Variants in PPARGC1A observed in about 807,000 individuals in gnomAD.
PPARGC1A encodes PPARG coactivator 1 alpha.
Under a neutral mutation model 88.7 loss-of-function variants are expected in PPARGC1A, and 25 were observed. The ratio of observed to expected loss-of-function variants is 0.28; its 90% CI spans 0.21 to 0.39. The LOEUF (loss-of-function observed/expected upper bound fraction) is 0.39. Ranked by LOEUF, PPARGC1A falls within the 10% of genes least tolerant of loss-of-function variation. PPARGC1A has a pLI of 1.00. For missense variants in PPARGC1A, 880 were observed against 968.7 expected, an observed-to-expected ratio of 0.91 and a Z score of 1.22; for synonymous variants, 363 against 355.6, an observed-to-expected ratio of 1.02 and a Z score of -0.24.
At chr4:23,812,903 T>TC in intron 9 of PPARGC1A, 36 bp from the exon 10 acceptor site, 1 of 1,613,840 alleles carries the variant, frequency 6.2e-7, no homozygotes, top group Admixed American at 1.7e-5. Context: ...GTCAACCACC[T>TC]CAATTTTCAT....
the PPARGC1A span, among the ~76,000 whole-genome samples, chr4:24,065,182 G>T: frequency 6.6e-6 from 1 of 152,088 alleles, no homozygotes; most frequent in Non-Finnish European, 1.5e-5. Flanking sequence ...ACCCAATCGC[G>T]TAGATCAGTC....
intron 2 of PPARGC1A, among the ~76,000 whole-genome samples, chr4:23,870,167 C>T (rs1466341902): frequency 1.3e-5 from 2 of 152,190 alleles, no homozygotes; most frequent in Admixed American, 1.3e-4. Context: ...TCACCTATTT[C>T]CTCACATGAT....
the PPARGC1A span, among the ~76,000 whole-genome samples, chr4:24,241,236 G>A: frequency 9.9e-5 from 15 of 151,742 alleles, no homozygotes; most frequent in Non-Finnish European, 2.2e-4. Flanking sequence ...TTAGTAAAAA[G>A]CAAAACAAAC....
At chr4:24,160,690 C>T in the PPARGC1A span, among the ~76,000 whole-genome samples, 3 of 152,194 alleles carry the variant, frequency 2.0e-5, no homozygotes, top group African/African-American at 7.2e-5. Flanking sequence ...ATTGTCCCTT[C>T]CCCTTGTAGA....
the PPARGC1A span, among the ~76,000 whole-genome samples, chr4:24,187,352 G>A: frequency 1.3e-5 from 2 of 152,134 alleles, no homozygotes; most frequent in East Asian, 3.9e-4. Context: ...AGGTGCTGAG[G>A]AATTTGGTAA....
At chr4:24,374,528 A>T in the PPARGC1A span, among the ~76,000 whole-genome samples, 2 of 151,730 alleles carry the variant, frequency 1.3e-5, no homozygotes, top group Admixed American at 1.3e-4. Context: ...TATGTAACAA[A>T]CCTGCACGTG....
chr4:24,440,049 C>CA, the PPARGC1A span, among the ~76,000 whole-genome samples: 9 of 152,168 alleles, frequency 5.9e-5, no homozygotes, highest in Non-Finnish European at 8.8e-5. Flanking sequence ...ATATTAAGCA[C>CA]AAAAAGAGGT....
At chr4:24,044,724 C>T in the PPARGC1A span, among the ~76,000 whole-genome samples, 1 of 152,144 alleles carries the variant, frequency 6.6e-6, no homozygotes, top group East Asian at 1.9e-4. Context: ...AGAGTTCCAC[C>T]AGAGCACAGG....
At chr4:24,237,969 T>C in the PPARGC1A span, among the ~76,000 whole-genome samples, 1 of 152,186 alleles carries the variant, frequency 6.6e-6, no homozygotes, top group Non-Finnish European at 1.5e-5. Context: ...ATCCTCAAGA[T>C]GTCATGAGAT....
At chr4:24,192,908 A>T in the PPARGC1A span, among the ~76,000 whole-genome samples, 2 of 152,260 alleles carry the variant, frequency 1.3e-5, no homozygotes, top group East Asian at 3.8e-4. Context: ...AACATTAATT[A>T]TAAGAAAAAG....
At chr4:24,271,026 AC>A in the PPARGC1A span, among the ~76,000 whole-genome samples, 1 of 152,244 alleles carries the variant, frequency 6.6e-6, no homozygotes, top group African/African-American at 2.4e-5. Flanking sequence ...ATTATACATA[AC>A]CAAAAACTAA....
the PPARGC1A span, among the ~76,000 whole-genome samples, chr4:24,362,416 T>C: frequency 6.6e-6 from 1 of 150,902 alleles, no homozygotes; most frequent in African/African-American, 2.5e-5. Flanking sequence ...ATCAGAGATC[T>C]ACACTTAGGA....
the PPARGC1A span, among the ~76,000 whole-genome samples, chr4:23,971,680 G>T: frequency 6.6e-5 from 10 of 152,190 alleles, no homozygotes; most frequent in Non-Finnish European, 1.0e-4. Flanking sequence ...ATTAGGTGGA[G>T]CCCTCCCAGA....
the PPARGC1A span, among the ~76,000 whole-genome samples, chr4:24,416,955 A>G: frequency 6.6e-5 from 10 of 150,480 alleles, no homozygotes; most frequent in Non-Finnish European, 7.4e-5. Context: ...CGCTTAAACC[A>G]GGAGGCGGAG....
the PPARGC1A span, among the ~76,000 whole-genome samples, chr4:23,937,535 T>C: frequency 6.6e-6 from 1 of 151,818 alleles, no homozygotes; most frequent in African/African-American, 2.4e-5. Flanking sequence ...AAAAATAAAA[T>C]AAAATAAAAT....
the PPARGC1A span, among the ~76,000 whole-genome samples, chr4:23,997,972 T>C: frequency 6.6e-6 from 1 of 152,212 alleles, no homozygotes; most frequent in African/African-American, 2.4e-5. Flanking sequence ...ATGATATTCT[T>C]CGGCCATAAT....
chr4:24,064,192 AGGAATTCAAT>A, the PPARGC1A span, among the ~76,000 whole-genome samples: 1 of 152,060 alleles, frequency 6.6e-6, no homozygotes, highest in Non-Finnish European at 1.5e-5. Context: ...AACTTAGAAG[AGGAATTCAAT>A]AAGAAAAAAA....
chr4:24,083,794 G>C, the PPARGC1A span, among the ~76,000 whole-genome samples: 63 of 152,292 alleles, frequency 4.1e-4, no homozygotes, highest in Non-Finnish European at 7.5e-4. Context: ...ATAGTTGTTT[G>C]TTAGCCATTT....
chr4:23,901,262 A>C (rs1024474842), upstream of PPARGC1A, among the ~76,000 whole-genome samples: 1 of 150,048 alleles, frequency 6.7e-6, no homozygotes, highest in Non-Finnish European at 1.5e-5. Flanking sequence ...CCCAGCTACT[A>C]GGGAGGCTAA....
Sources: gnomAD v4.1 joint callset for allele counts (sites outside exome capture counted in the v4.1 genomes callset) on GRCh38, gnomAD v4.1.1 for gene constraint, MANE v1.5 for transcripts, NCBI Gene and HGNC (gene_info 2026-07-23, HGNC 2026-07-21) for gene names.